CTNNA2: variants seen among roughly 807,000 people sequenced by gnomAD.
CTNNA2 encodes the protein catenin alpha 2.
In CTNNA2, 42 loss-of-function variants were observed where a neutral mutation model predicts 101.0. The ratio of observed to expected loss-of-function variants is 0.42; its 90% CI spans 0.32 to 0.54. The LOEUF (loss-of-function observed/expected upper bound fraction) is 0.54. Among genes scored for constraint, CTNNA2 ranks in the 20% least tolerant of loss-of-function variants. The pLI is 0.14. For synonymous variants in CTNNA2, 450 were observed against 456.4 expected (o/e 0.99, Z 0.18); for missense variants, 871 against 1,223.1 (o/e 0.71, Z 4.29).
intron 2 of CTNNA2, among the ~76,000 whole-genome samples, chr2:79,299,595 A>C (rs1348712826): frequency 6.6e-6 from 1 of 152,206 alleles, no homozygotes; most frequent in African/African-American, 2.4e-5. Context: ...TATCCTGGGG[A>C]TCATAATGCA....
intron 1 of CTNNA2, among the ~76,000 whole-genome samples, chr2:79,570,448 G>A (rs978592797): frequency 6.6e-6 from 1 of 152,066 alleles, no homozygotes; most frequent in African/African-American, 2.4e-5. Context: ...CCAAATGATT[G>A]TTGTTTACAA....
At chr2:80,084,050 G>A (rs1699305466) in intron 7 of CTNNA2, among the ~76,000 whole-genome samples, 1 of 151,818 alleles carries the variant, frequency 6.6e-6, no homozygotes, top group South Asian at 2.1e-4. Context: ...CCAATCTCCT[G>A]GGCTCCCCTG....
chr2:80,622,057 A>G (rs147641433), intron 18 of CTNNA2, among the ~76,000 whole-genome samples: 160 of 152,082 alleles, frequency 1.1e-3, no homozygotes, highest in African/African-American at 3.7e-3. Flanking sequence ...TCTTGTGTTC[A>G]GACATGACAT....
intron 18 of CTNNA2, among the ~76,000 whole-genome samples, chr2:80,630,606 C>G (rs1672183495): frequency 1.3e-5 from 2 of 152,018 alleles, no homozygotes; most frequent in African/African-American, 4.8e-5. Context: ...CGCTACACTC[C>G]AGCCTGGCAA....
At position 79,569,784 on chromosome 2, in the gene CTNNA2, A is replaced by G. The variant is rs1026501976; in HGVS notation, c.-6+56577A>G. ...CTTTACTTTTTTAAGTAAGTTAAAT[A>G]TAAAATATTACAAATACTTTTTATG... On this transcript the variant is annotated intron_variant, in intron 1 of 18. Transcript: ENST00000402739. Among the ~76,000 whole-genome samples, 3 of 152,264 alleles carry G rather than the reference A, an allele frequency of 2.0e-5. No homozygotes were observed. The South Asian group carries it at 6.2e-4, about 31-fold the overall frequency.
chr2:79,904,246 C>T (rs1196331628), intron 6 of CTNNA2, among the ~76,000 whole-genome samples: 1 of 152,058 alleles, frequency 6.6e-6, no homozygotes, highest in Non-Finnish European at 1.5e-5. Context: ...ATTGGTTGTA[C>T]ATATTTTTGT....
At chr2:80,221,373 G>T (rs1708566468) in intron 7 of CTNNA2, among the ~76,000 whole-genome samples, 2 of 152,168 alleles carry the variant, frequency 1.3e-5, no homozygotes, top group South Asian at 4.1e-4. Context: ...TGGTAGAGAA[G>T]GAAGTGATAT....
intron 4 of CTNNA2, among the ~76,000 whole-genome samples, chr2:79,442,323 A>G (rs1286527349): frequency 2.0e-5 from 3 of 152,176 alleles, no homozygotes; most frequent in African/African-American, 7.2e-5. Flanking sequence ...TAAAGTATGA[A>G]TAGTCCACTC....
intron 7 of CTNNA2, among the ~76,000 whole-genome samples, chr2:79,968,671 T>C (rs1380763965): frequency 2.0e-5 from 3 of 151,894 alleles, no homozygotes; most frequent in African/African-American, 7.3e-5. Flanking sequence ...AAAAACAAAA[T>C]ATAAACAATC....
intron 15 of CTNNA2, among the ~76,000 whole-genome samples, chr2:80,602,581 A>G (rs536451600): frequency 2.6e-5 from 4 of 152,242 alleles, no homozygotes; most frequent in African/African-American, 9.6e-5. Flanking sequence ...AATAATGAGA[A>G]TATTATTAAA....
At chr2:79,358,026 A>G (rs1175927898) in intron 3 of CTNNA2, among the ~76,000 whole-genome samples, 1 of 152,038 alleles carries the variant, frequency 6.6e-6, no homozygotes, top group African/African-American at 2.4e-5. Context: ...GGATTTCATT[A>G]TCTTTGAGTC....
chr2:80,519,720 G>A (rs1431539515), intron 9 of CTNNA2, among the ~76,000 whole-genome samples: 1 of 152,156 alleles, frequency 6.6e-6, no homozygotes, highest in South Asian at 2.1e-4. Flanking sequence ...GATTGTAGAG[G>A]ACAACTACAT....
chr2:80,618,480 G>T (rs1699031519), intron 17 of CTNNA2, among the ~76,000 whole-genome samples: 1 of 151,838 alleles, frequency 6.6e-6, no homozygotes, highest in African/African-American at 2.4e-5. Flanking sequence ...TTTAAATTAT[G>T]CCCCTCACAC....
At chr2:79,546,792 T>A (rs933815292) in intron 1 of CTNNA2, among the ~76,000 whole-genome samples, 13 of 152,206 alleles carry the variant, frequency 8.5e-5, no homozygotes, top group African/African-American at 2.7e-4. Flanking sequence ...TTGCAATAAC[T>A]ATATACATAT....
intron 4 of CTNNA2, among the ~76,000 whole-genome samples, chr2:79,397,715 G>A (rs1678248020): frequency 6.6e-6 from 1 of 152,070 alleles, no homozygotes; most frequent in Non-Finnish European, 1.5e-5. Flanking sequence ...CCAGTCTGGA[G>A]TGCAGTGGCA....
Position 79,216,564 on chromosome 2 carries a change from C to T in CTNNA2, c.-406+18488C>T, listed in dbSNP as rs576763643. Among the ~76,000 whole-genome samples, 34 of 146,564 alleles carry T rather than the reference C, an allele frequency of 2.3e-4. 1 individual carries two copies. The South Asian group carries it at 4.8e-3, about 21-fold the overall frequency. On this transcript the variant is annotated intron_variant, in intron 2 of 21. Coordinates refer to the CTNNA2 transcript ENST00000466387. ...GGATTGGGGCACAGAGATAAGGGGT[C>T]GAGTCATGGAAATAAGGGATCAGGG...
intron 7 of CTNNA2, among the ~76,000 whole-genome samples, chr2:80,076,525 C>T (rs762051523): frequency 2.0e-5 from 3 of 151,874 alleles, no homozygotes; most frequent in Admixed American, 6.5e-5. Flanking sequence ...TCAAGCGATC[C>T]TCCTGCCTTG....
intron 7 of CTNNA2, among the ~76,000 whole-genome samples, chr2:80,041,750 C>G (rs1365832749): frequency 1.3e-5 from 2 of 152,258 alleles, no homozygotes; most frequent in South Asian, 2.1e-4. Flanking sequence ...CGATTTTCAT[C>G]TGTAATAAGA....
At chr2:79,312,123 G>T (rs200616077) in intron 2 of CTNNA2, among the ~76,000 whole-genome samples, 1 of 151,786 alleles carries the variant, frequency 6.6e-6, no homozygotes, top group East Asian at 1.9e-4. Flanking sequence ...TGCCCAGGCT[G>T]CACTAAAACT....
Sources: gnomAD v4.1 joint callset for allele counts (sites outside exome capture counted in the v4.1 genomes callset) on GRCh38, gnomAD v4.1.1 for gene constraint, MANE v1.5 for transcripts, NCBI Gene and HGNC (gene_info 2026-07-23, HGNC 2026-07-21) for gene names.